Variants in KPNA1 observed in about 807,000 individuals in gnomAD.
The protein encoded by KPNA1 is importin subunit alpha-5.
A neutral mutation model predicts 70.5 loss-of-function variants in KPNA1; 10 were observed. That is an observed-to-expected ratio of 0.14 (90% CI 0.09 to 0.24). KPNA1 has a LOEUF of 0.24. Among genes scored for constraint, KPNA1 ranks in the 10% least tolerant of loss-of-function variants. The pLI is 1.00. For missense variants in KPNA1, 397 were observed against 637.9 expected, an observed-to-expected ratio of 0.62 and a Z score of 4.07; for synonymous variants, 192 against 221.9, an observed-to-expected ratio of 0.87 and a Z score of 1.20.
chr3:122,460,720 G>C (rs1324409785), intron 5 of KPNA1: 1 of 934,044 alleles, frequency 1.1e-6, no homozygotes, highest in African/African-American at 1.8e-5. Flanking sequence ...ATATAGTACA[G>C]TACTGAAAGC....
intron 10 of KPNA1, among the ~76,000 whole-genome samples, chr3:122,441,467 A>G (rs1576286941): frequency 1.3e-5 from 2 of 152,336 alleles, no homozygotes; most frequent in African/African-American, 4.8e-5. Context: ...CATGAGAACT[A>G]TTTCAAATAG....
At chr3:122,501,968 G>A (rs2076834062) in intron 1 of KPNA1, among the ~76,000 whole-genome samples, 2 of 152,202 alleles carry the variant, frequency 1.3e-5, no homozygotes, top group Non-Finnish European at 2.9e-5. Context: ...TAGTGGGTCA[G>A]CAGAGCTCCT....
chr3:122,499,762 G>GAA (rs56295442), intron 1 of KPNA1, among the ~76,000 whole-genome samples: 26 of 116,956 alleles, frequency 2.2e-4, no homozygotes, highest in South Asian at 2.9e-4. Flanking sequence ...GTCTCTTCAA[G>GAA]AAAAAAAAAA....
chr3:122,509,601 C>G (rs1016060921), intron 1 of KPNA1, among the ~76,000 whole-genome samples: 1 of 152,072 alleles, frequency 6.6e-6, no homozygotes, highest in Non-Finnish European at 1.5e-5. Flanking sequence ...AGAAAAAGAC[C>G]TTTGCAAGGT....
At chr3:122,497,514 G>A (rs2076778140) in intron 1 of KPNA1, among the ~76,000 whole-genome samples, 1 of 152,206 alleles carries the variant, frequency 6.6e-6, no homozygotes, top group East Asian at 1.9e-4. Flanking sequence ...TTTCCAAAGT[G>A]GCTGTGCCAT....
chr3:122,438,154 T>C (rs1488418708), intron 10 of KPNA1, among the ~76,000 whole-genome samples: 1 of 152,088 alleles, frequency 6.6e-6, no homozygotes, highest in East Asian at 1.9e-4. Flanking sequence ...TCAAGAATGG[T>C]CAGCGCCATC....
chr3:122,442,238 G>T, intron 9 of KPNA1, 122 bp from the exon 10 acceptor site: 1 of 705,116 alleles, frequency 1.4e-6, no homozygotes, highest in South Asian at 1.7e-5. Flanking sequence ...TGTACCCATG[G>T]GGCTAATTAA....
chr3:122,467,183 C>A lies in KPNA1; in HGVS notation c.237+139G>T, dbSNP rs989518470. The stretch of plus-strand genomic sequence containing the variant: ...CAAAATATAATAAACATTTAATGAA[C>A]CATGAGATTAAGCATATTCTTTTTA... On this transcript the variant is annotated intron_variant, in intron 3 of 13. Transcript: ENST00000344337. 2.3e-5 allele frequency: 10 copies of A among 434,768 alleles called. No homozygotes were observed. In the Admixed American group the frequency reaches 3.6e-4, roughly 16 times the overall value. 26.9% of individuals were successfully genotyped at this position (434,768 alleles called of 1,614,324 possible). A position where few individuals can be genotyped will look rare whatever the true frequency, so the allele number is the denominator to read the frequency against.
chr3:122,454,129 A>C, intron 5 of KPNA1, 128 bp from the exon 6 acceptor site: 1 of 548,522 alleles, frequency 1.8e-6, no homozygotes, highest in East Asian at 3.2e-5. Flanking sequence ...CTATCAGTTG[A>C]GTACTATATT....
Position 122,453,909 on chromosome 3 carries a change from T to C in KPNA1, c.525A>G (p.Ile175Met). The C allele has an allele frequency of 6.2e-7, 1 of 1,612,978 alleles. No homozygotes were observed. Among genetic ancestry groups the C allele is most frequent in the East Asian group, 2.2e-5 (1 of 44,840 alleles). The change falls in exon 6 of 14, where the codon ATA becomes ATG. Residue 175 changes from isoleucine (I) to methionine (M), a missense_variant. Physicochemically the swap from Ile to Met is conservative, Grantham distance 10. Transcript: ENST00000344337. The stretch of plus-strand genomic sequence containing the variant: ...CTTCAAACTCTGAGCTGAGCAACTC[T>C]ATGAAGATGGGCACAGCTCCTGCCT... ...VIQAGAVPIF[I>M]ELLSSEFEDV...
At chr3:122,463,839 TA>T in intron 4 of KPNA1, 102 bp downstream of exon 4, 1 of 516,310 alleles carries the variant, frequency 1.9e-6, no homozygotes. Flanking sequence ...CTTTTATTGA[TA>T]AAAATACTCC....
rs558048092 is a variant in KPNA1 at position 122,432,564 on chromosome 3, G to C, written c.1250+1097C>G. The C allele has an allele frequency of 2.6e-5, 4 of 152,296 alleles. 1 individual carries two copies. Among genetic ancestry groups the C allele is most frequent in the South Asian group, 4.1e-4 (2 of 4,826 alleles). 9.4% of individuals were successfully genotyped at this position (152,296 alleles called of 1,614,324 possible). On this transcript the variant is annotated intron_variant, in intron 12 of 13. Coordinates refer to ENST00000344337, the MANE Select transcript of KPNA1 (RefSeq NM_002264.4). ...TTGTCTGATATTACGTATGAGTAAGGAGTTAATGCTTTAGCACTCATTTGA... is the reference window on the plus strand; with the variant it reads ...TTGTCTGATATTACGTATGAGTAAGCAGTTAATGCTTTAGCACTCATTTGA...
At chr3:122,474,522 C>G (rs938356959) in intron 2 of KPNA1, among the ~76,000 whole-genome samples, 4 of 152,088 alleles carry the variant, frequency 2.6e-5, no homozygotes, top group African/African-American at 9.7e-5. Context: ...AGAAATAGAC[C>G]TCATAAATCT....
At chr3:122,448,763 A>G (rs1417160884) in intron 9 of KPNA1, among the ~76,000 whole-genome samples, 1 of 152,124 alleles carries the variant, frequency 6.6e-6, no homozygotes, top group Non-Finnish European at 1.5e-5. Flanking sequence ...GAAAAAAAAA[A>G]AAGAAATGGC....
intron 5 of KPNA1, among the ~76,000 whole-genome samples, chr3:122,458,966 G>A (rs1407499857): frequency 6.6e-6 from 1 of 152,170 alleles, no homozygotes; most frequent in African/African-American, 2.4e-5. Context: ...GGACAGCTAA[G>A]ACTATCCTCA....
intron 2 of KPNA1, among the ~76,000 whole-genome samples, chr3:122,468,655 G>A (rs1433593289): frequency 6.6e-6 from 1 of 152,120 alleles, no homozygotes; most frequent in African/African-American, 2.4e-5. Context: ...TGAGATTATC[G>A]GACCAAGAAT....
chr3:122,449,609 A>G lies in KPNA1; in HGVS notation c.882T>C (p.Asp294=), dbSNP rs1432527872. 2 of 1,613,852 alleles carry G rather than the reference A, an allele frequency of 1.2e-6. No homozygotes were observed. The highest frequency in any genetic ancestry group is 3.3e-5 in the Admixed American group (2 of 59,974). ...CCACAAGTCTCCTACATACTCCCGC[A>G]TCGATGACCGCTTGAATTTTATCAT... ...GPNDKIQAVI[D]AGVCRRLVEL... is the part of the protein sequence containing the mutation. The change falls in exon 9 of 14, where the codon GAT becomes GAC. Residue 294 remains aspartate (D), a synonymous_variant. Coordinates refer to ENST00000344337, the MANE Select transcript of KPNA1 (RefSeq NM_002264.4).
At chr3:122,428,109 T>C (rs1399240728) in intron 12 of KPNA1, among the ~76,000 whole-genome samples, 1 of 152,226 alleles carries the variant, frequency 6.6e-6, no homozygotes, top group African/African-American at 2.4e-5. Context: ...ACAAGCCTGA[T>C]AAGCCAAATC....
chr3:122,505,274 C>CAAAAAAAAAA (rs376502610), intron 1 of KPNA1, among the ~76,000 whole-genome samples: 1 of 99,518 alleles, frequency 1.0e-5, no homozygotes. Context: ...CTGCATGCCT[C>CAAAAAAAAAA]AAAAAAAAAA....
Sources: allele counts gnomAD v4.1 joint callset (sites outside exome capture counted in the v4.1 genomes callset), GRCh38; gene constraint gnomAD v4.1.1; transcripts MANE v1.5; gene names NCBI Gene and HGNC (gene_info 2026-07-23, HGNC 2026-07-21).